Variants in BPTF observed in about 807,000 individuals in gnomAD.
BPTF encodes the protein nucleosome-remodeling factor subunit BPTF.
Under a neutral mutation model 292.5 loss-of-function variants are expected in BPTF, and 18 were observed. The ratio of observed to expected loss-of-function variants is 0.06; its 90% confidence interval spans 0.04 to 0.09. The LOEUF (loss-of-function observed/expected upper bound fraction) is 0.09, where lower values mean the gene tolerates loss of function less well. Among genes scored for constraint, BPTF ranks in the 10% least tolerant of loss-of-function variants. The pLI is 1.00. For synonymous variants in BPTF, 1,225 were observed against 1,251.9 expected (o/e 0.98, Z 0.45); for missense variants, 2,726 against 3,498.7 (o/e 0.78, Z 5.57).
intron 26 of BPTF, among the ~76,000 whole-genome samples, chr17:67,973,078 A>AATATATATATATAAATATATATATAAT (rs2068972076): frequency 2.1e-5 from 3 of 144,634 alleles, no homozygotes; most frequent in African/African-American, 7.6e-5. Flanking sequence ...ATATATATAT[A>AATATATATATATAAATATATATATAAT]ATATATATAT....
Position 67,892,862 on chromosome 17 carries a change from T to G in BPTF, c.2056-508T>G, listed in dbSNP as rs561060445. ...AAAAGCTGAATAAGGCCACTGTTTA[T>G]CTGATAGTCCACTAAGAGTTGGGAT... On this transcript the variant is annotated intron_variant, in intron 5 of 27. Transcript: ENST00000306378. Among the ~76,000 whole-genome samples, 5 of 152,344 alleles carry G rather than the reference T, an allele frequency of 3.3e-5. No homozygotes were observed. The South Asian group carries it at 8.3e-4, about 25-fold the overall frequency.
Position 67,854,207 on chromosome 17 carries a change from T to C in BPTF, c.881T>C (p.Val294Ala). 1 of 1,614,204 alleles carries C rather than the reference T, an allele frequency of 6.2e-7. No individual in the cohort carries two copies. The highest frequency in any genetic ancestry group is 8.5e-7 in the Non-Finnish European group (1 of 1,180,030). ...ATGCATGTTGTGCTTTTGAAAGCAG[T>C]TCTGCGTGAAGAAGACACTTCCAAT... The part of the protein sequence containing the change: ...AEMHVVLLKA[V>A]LREEDTSNTT... The change falls in exon 2 of 28, where the codon GTT becomes GCT. Residue 294 changes from valine (V) to alanine (A), a missense_variant. By Grantham distance (64) the Val-to-Ala change is moderately conservative. Transcript: ENST00000306378. This position sits in a 1 kb window ranked among gnomAD's most constrained non-coding sequence, Gnocchi z 5.6.
intron 3 of BPTF, among the ~76,000 whole-genome samples, chr17:67,867,384 A>G (rs1877190101): frequency 1.3e-5 from 2 of 152,248 alleles, no homozygotes; most frequent in South Asian, 4.1e-4. Context: ...TTTATACAAA[A>G]GTTGCAAAGA....
At chr17:67,850,375 T>C (rs2058317968) in intron 1 of BPTF, among the ~76,000 whole-genome samples, 1 of 152,096 alleles carries the variant, frequency 6.6e-6, no homozygotes, top group African/African-American at 2.4e-5. Flanking sequence ...TGTTTTTGTT[T>C]GTTTGTTTGT....
chr17:67,904,119 C>G (rs938947362), intron 8 of BPTF, among the ~76,000 whole-genome samples: 1 of 152,208 alleles, frequency 6.6e-6, no homozygotes, highest in Non-Finnish European at 1.5e-5. Context: ...GCCTCCGCCT[C>G]CTGGGTTCAA....
intron 23 of BPTF, among the ~76,000 whole-genome samples, chr17:67,955,079 G>A (rs556357020): frequency 6.6e-6 from 1 of 151,474 alleles, no homozygotes; most frequent in East Asian, 2.0e-4. Context: ...CACGAGGTCA[G>A]GAGATTGAGA....
At chr17:67,947,622 T>A in intron 21 of BPTF, 104 bp from the exon 22 acceptor site, 1 of 862,174 alleles carries the variant, frequency 1.2e-6, no homozygotes, top group Non-Finnish European at 1.7e-6. Flanking sequence ...TCTTACAGTT[T>A]CTTTAAAAAA....
At chr17:67,900,868 G>A (rs965730065) in intron 7 of BPTF, among the ~76,000 whole-genome samples, 1 of 151,728 alleles carries the variant, frequency 6.6e-6, no homozygotes, top group African/African-American at 2.4e-5. Context: ...AATTGGCCAG[G>A]CATGGTCTTG....
At chr17:67,955,308 T>C (rs1555680472) in intron 23 of BPTF, 2 of 144,268 alleles carry the variant, frequency 1.4e-5, no homozygotes, top group Non-Finnish European at 3.0e-5. Context: ...AAAAAAAGCT[T>C]CCTGAGGTAC....
intron 3 of BPTF, among the ~76,000 whole-genome samples, chr17:67,867,158 C>G (rs746780034): frequency 1.3e-5 from 2 of 152,202 alleles, no homozygotes; most frequent in Non-Finnish European, 2.9e-5. Context: ...GAACCTTGTT[C>G]ATTCCACTGT....
chr17:67,969,726 G>A (rs1245036478), intron 26 of BPTF, among the ~76,000 whole-genome samples: 1 of 151,872 alleles, frequency 6.6e-6, no homozygotes, highest in African/African-American at 2.4e-5. Context: ...CAGCACTTTG[G>A]CCAAGGCAGG....
At chr17:67,970,093 C>T (rs781889823) in intron 26 of BPTF, among the ~76,000 whole-genome samples, 14 of 151,936 alleles carry the variant, frequency 9.2e-5, no homozygotes, top group South Asian at 2.1e-4. Context: ...AGTAGCCAGG[C>T]GTGGTGGCAC....
Position 67,913,319 on chromosome 17 carries a change from T to A in BPTF, c.5303+132T>A, listed in dbSNP as rs2062772783. 2.2e-6 allele frequency: 3 copies of A among 1,382,598 alleles called. No homozygotes were observed. In the Middle Eastern group the frequency reaches 7.0e-4, roughly 323 times the overall value. 85.6% of individuals were successfully genotyped at this position (1,382,598 alleles called of 1,614,324 possible). On this transcript the variant is annotated intron_variant, in intron 11 of 27. Coordinates refer to ENST00000306378, the MANE Select transcript of BPTF (RefSeq NM_182641.4). ...ACATATTAATGGCCAAAGATAGTAATGGAAACAGGATACAGAAAGCTTCAA... is the reference window on the plus strand; with the variant it reads ...ACATATTAATGGCCAAAGATAGTAAAGGAAACAGGATACAGAAAGCTTCAA...
chr17:67,940,743 G>A (rs577894096), intron 19 of BPTF, 87 bp downstream of exon 19: 66 of 1,367,388 alleles, frequency 4.8e-5, no homozygotes, highest in African/African-American at 2.0e-4. Context: ...ATTTTGATAC[G>A]TTTTTAAATG....
intron 1 of BPTF, among the ~76,000 whole-genome samples, chr17:67,845,140 G>A (rs897730879): frequency 1.4e-5 from 2 of 145,358 alleles, no homozygotes; most frequent in African/African-American, 5.4e-5. Flanking sequence ...ATCAGGAGGT[G>A]CACCATCAAT....
chr17:67,861,601 C>T (rs2059089350), intron 2 of BPTF, among the ~76,000 whole-genome samples: 1 of 152,120 alleles, frequency 6.6e-6, no homozygotes, highest in African/African-American at 2.4e-5. Flanking sequence ...CAGATGTGAG[C>T]CACCATGCCC....
Position 67,911,485 on chromosome 17 carries a change from C to G in BPTF, c.3601C>G (p.Gln1201Glu), listed in dbSNP as rs2062649756. 1 of 1,613,720 alleles carries G rather than the reference C, an allele frequency of 6.2e-7. No individual in the cohort carries two copies. Among genetic ancestry groups the G allele is most frequent in the South Asian group, 1.1e-5 (1 of 91,044 alleles). Reference protein sequence around the residue: ...EKVSDLASRGQEPSKSKTKGN... With the variant: ...EKVSDLASRGEEPSKSKTKGN... ...AGTCTCTGACCTTGCCAGTAGAGGC[C>G]AGGAACCCAGTAAGAGTAAAACAAA... The change falls in exon 11 of 28, where the codon CAG (glutamine) becomes GAG (glutamate). Residue 1201 changes from glutamine to glutamate, a missense_variant. Transcript: ENST00000306378.
chr17:67,870,251 T>A (rs2059639654), intron 3 of BPTF, among the ~76,000 whole-genome samples: 1 of 151,636 alleles, frequency 6.6e-6, no homozygotes, highest in African/African-American at 2.4e-5. Context: ...AATATTTTTT[T>A]CTTTCTTTCC....
intron 1 of BPTF, among the ~76,000 whole-genome samples, chr17:67,835,960 T>C (rs749504820): frequency 5.9e-5 from 9 of 152,114 alleles, no homozygotes; most frequent in African/African-American, 9.7e-5. Flanking sequence ...CCACCATGCC[T>C]GGCCCAGTCC....
Sources: gnomAD v4.1 joint callset for allele counts (sites outside exome capture counted in the v4.1 genomes callset) on GRCh38, gnomAD v4.1.1 for gene constraint, Gnocchi (gnomAD v3.1) non-coding constraint, MANE v1.5 for transcripts, NCBI Gene and HGNC (gene_info 2026-07-23, HGNC 2026-07-21) for gene names.